The following PAM variants were observed in gnomAD, a reference collection of about 807,000 sequenced individuals.
The protein encoded by PAM is peptidylglycine alpha-amidating monooxygenase.
PAM carries 72 observed loss-of-function variants against 122.1 expected under a neutral mutation model. That is an observed-to-expected ratio of 0.59 (90% confidence interval 0.49 to 0.72). The LOEUF is 0.72. Among genes scored for constraint, PAM ranks in the 30% least tolerant of loss-of-function variants. The probability of loss-of-function intolerance (pLI) is 0.00; values close to 1 mark genes in which losing one functional copy is unlikely to be tolerated. For synonymous variants in PAM, 389 were observed against 404.4 expected, an observed-to-expected ratio of 0.96 and a Z score of 0.46; for missense variants, 1,106 against 1,183.7, an observed-to-expected ratio of 0.93 and a Z score of 0.96.
intron 1 of PAM, among the ~76,000 whole-genome samples, chr5:102,774,752 A>C (rs1011925269): frequency 2.6e-5 from 4 of 152,042 alleles, no homozygotes; most frequent in African/African-American, 7.2e-5. Context: ...ACCCATTGTC[A>C]GATATTTTGC....
rs140375023 is a variant in PAM at position 102,803,146 on chromosome 5, A to G, written c.-374+47798A>G. On this transcript the variant is annotated intron_variant, in intron 1 of 25. Coordinates refer to ENST00000438793, the MANE Select transcript of PAM (RefSeq NM_001177306.2). The stretch of plus-strand genomic sequence containing the variant: ...TCCAAAAAAAAAGAAAGAAAGAAAG[A>G]AAGGAAGGAAGGAAGGAAGGAAGGA... 9.4e-4 allele frequency among the ~76,000 whole-genome samples: 126 copies of G among 133,578 alleles called. 1 individual carries two copies. Among genetic ancestry groups the G allele is most frequent in the African/African-American group, 2.9e-3 (95 of 33,266 alleles). The allele number at this position is 133,578 out of a possible 152,430, so 87.6% of individuals were successfully genotyped here. A position where few individuals can be genotyped will look rare whatever the true frequency, so the allele number is the denominator to read the frequency against.
At chr5:102,974,674 A>G in intron 15 of PAM, 1 of 335,410 alleles carries the variant, frequency 3.0e-6, no homozygotes, top group Non-Finnish European at 5.4e-6. Flanking sequence ...AGCCAGAACT[A>G]CAAGGACCAA....
intron 15 of PAM, among the ~76,000 whole-genome samples, chr5:102,979,077 CACAA>C (rs1768824530): frequency 6.6e-6 from 1 of 151,612 alleles, no homozygotes; most frequent in Non-Finnish European, 1.5e-5. Flanking sequence ...CACACATACA[CACAA>C]ACACCCTAGA....
At chr5:103,021,981 A>G (rs911500317) in intron 23 of PAM, among the ~76,000 whole-genome samples, 5 of 152,030 alleles carry the variant, frequency 3.3e-5, no homozygotes, top group Non-Finnish European at 5.9e-5. Context: ...GGAAGTTGTA[A>G]GGATAAGATA....
chr5:102,845,115 A>T (rs1779649442), intron 1 of PAM, among the ~76,000 whole-genome samples: 2 of 152,220 alleles, frequency 1.3e-5, no homozygotes, highest in South Asian at 2.1e-4. Context: ...CTCCCAGGTA[A>T]TACTAAAGCT....
At chr5:102,876,731 G>T (rs565641319) in intron 3 of PAM, among the ~76,000 whole-genome samples, 3 of 152,216 alleles carry the variant, frequency 2.0e-5, no homozygotes, top group Non-Finnish European at 4.4e-5. Flanking sequence ...GCGTAAACCC[G>T]ATGGGGCCAG....
chr5:103,009,842 A>C lies in PAM; in HGVS notation c.2307A>C (p.Ile769=), dbSNP rs2230457. The C allele has an allele frequency of 0.28, 453,511 of 1,601,746 alleles. 67,000 individuals carry two copies. Among genetic ancestry groups the C allele is most frequent in the East Asian group, 0.43 (19,236 of 44,648 alleles). ...FVMNFSNGEI[I]DIFKPVRKHF... The stretch of plus-strand genomic sequence containing the variant: ...TGAACTTTTCCAATGGGGAAATTAT[A>C]GACATCTTCAAGCCAGTGCGCAAGG... The change falls in exon 21 of 26, where the codon ATA becomes ATC. Residue 769 remains isoleucine, a synonymous_variant. Transcript: ENST00000438793.
At chr5:102,956,233 T>A (rs1760689083) in intron 12 of PAM, among the ~76,000 whole-genome samples, 2 of 152,218 alleles carry the variant, frequency 1.3e-5, no homozygotes, top group Admixed American at 6.5e-5. Flanking sequence ...CATTTATATG[T>A]GTATCAAATT....
At chr5:102,870,623 C>T (rs561912701) in intron 3 of PAM, among the ~76,000 whole-genome samples, 1 of 152,184 alleles carries the variant, frequency 6.6e-6, no homozygotes, top group Non-Finnish European at 1.5e-5. Flanking sequence ...TGTCTCTTCT[C>T]TGACTTAAAA....
At chr5:103,028,800 C>T in intron 25 of PAM, 87 bp from the exon 26 acceptor site, 7 of 876,052 alleles carry the variant, frequency 8.0e-6, no homozygotes, top group Non-Finnish European at 9.0e-6. Context: ...CCATCCCCAC[C>T]TTCTGACTTT....
At chr5:102,879,241 C>A (rs1269257397) in intron 3 of PAM, among the ~76,000 whole-genome samples, 1 of 152,084 alleles carries the variant, frequency 6.6e-6, no homozygotes, top group African/African-American at 2.4e-5. Flanking sequence ...CAGAAAAATG[C>A]TTAAATAAAT....
intron 21 of PAM, among the ~76,000 whole-genome samples, chr5:103,011,819 AG>A (rs1357933976): frequency 1.4e-5 from 2 of 140,240 alleles, no homozygotes; most frequent in African/African-American, 5.0e-5. Flanking sequence ...CTCTACTTTT[AG>A]TTTTTTAAGG....
chr5:102,934,799 A>G (rs1732771476), intron 7 of PAM, among the ~76,000 whole-genome samples: 1 of 152,226 alleles, frequency 6.6e-6, no homozygotes, highest in Admixed American at 6.6e-5. Context: ...AAAGGAATAA[A>G]ACATAAATAT....
intron 19 of PAM, among the ~76,000 whole-genome samples, chr5:103,007,213 A>G (rs1386951761): frequency 6.6e-6 from 1 of 151,752 alleles, no homozygotes; most frequent in African/African-American, 2.4e-5. Context: ...ACACACACAC[A>G]CACACACACG....
intron 12 of PAM, among the ~76,000 whole-genome samples, chr5:102,952,216 A>G (rs11952361): frequency 0.35 from 53,320 of 151,864 alleles, 9,771 homozygotes; most frequent in African/African-American, 0.45. Context: ...TACAGTTTGC[A>G]GCGGGGAGGT....
At chr5:102,964,157 C>A (rs1763337092) in intron 14 of PAM, among the ~76,000 whole-genome samples, 1 of 151,814 alleles carries the variant, frequency 6.6e-6, no homozygotes, top group Non-Finnish European at 1.5e-5. Context: ...AGCCAGTGAT[C>A]ATTAAAACAC....
chr5:102,947,010 T>C (rs377139871), intron 8 of PAM, 125 bp downstream of exon 8: 1 of 707,814 alleles, frequency 1.4e-6, no homozygotes, highest in African/African-American at 1.8e-5. Flanking sequence ...AAACAACAAA[T>C]ATGTATTGTC....
intron 5 of PAM, among the ~76,000 whole-genome samples, chr5:102,922,016 T>A (rs558601687): frequency 1.3e-5 from 2 of 152,312 alleles, no homozygotes; most frequent in African/African-American, 2.4e-5. Flanking sequence ...GTTTATATTT[T>A]AAATTTTTAA....
intron 1 of PAM, among the ~76,000 whole-genome samples, chr5:102,847,787 A>G (rs1006657687): frequency 6.6e-6 from 1 of 152,170 alleles, no homozygotes; most frequent in African/African-American, 2.4e-5. Flanking sequence ...AAGAAACTCA[A>G]TTAAAACTGA....
Sources: gnomAD v4.1 joint callset for allele counts (sites outside exome capture counted in the v4.1 genomes callset) on GRCh38, gnomAD v4.1.1 for gene constraint, MANE v1.5 for transcripts, NCBI Gene and HGNC (gene_info 2026-07-23, HGNC 2026-07-21) for gene names.